LRMDA: variants seen among roughly 807,000 people sequenced by gnomAD.
The protein encoded by LRMDA is leucine rich melanocyte differentiation associated.
A neutral mutation model predicts 29.8 loss-of-function variants in LRMDA; 18 were observed. The observed-to-expected ratio is 0.60, with a 90% CI of 0.42 to 0.90. The LOEUF is 0.90. Among genes scored for constraint, LRMDA ranks in the 40% least tolerant of loss-of-function variants. The probability of loss-of-function intolerance (pLI) is 0.00; values close to 1 mark genes in which losing one functional copy is unlikely to be tolerated. For synonymous variants in LRMDA, 125 were observed against 109.4 expected (o/e 1.14, Z -0.89); for missense variants, 273 against 273.9 (o/e 1.00, Z 0.02).
intron 2 of LRMDA, among the ~76,000 whole-genome samples, chr10:75,966,175 G>C (rs897957218): frequency 3.3e-5 from 5 of 152,168 alleles, no homozygotes; most frequent in African/African-American, 1.2e-4. Flanking sequence ...CAGCAAAAGA[G>C]CCCTTGTGTC....
At chr10:75,551,812 G>A (rs1442087438) in intron 2 of LRMDA, among the ~76,000 whole-genome samples, 1 of 152,158 alleles carries the variant, frequency 6.6e-6, no homozygotes, top group African/African-American at 2.4e-5. Flanking sequence ...GCTTAGGTGA[G>A]AGGATCGCTT....
At chr10:75,768,370 C>T (rs977486890) in intron 2 of LRMDA, among the ~76,000 whole-genome samples, 1 of 152,164 alleles carries the variant, frequency 6.6e-6, no homozygotes, top group Non-Finnish European at 1.5e-5. Flanking sequence ...CCCATAAGAA[C>T]CTTGTACATC....
At chr10:75,636,122 C>T (rs1554817262) in intron 2 of LRMDA, among the ~76,000 whole-genome samples, 1 of 152,170 alleles carries the variant, frequency 6.6e-6, no homozygotes, top group Non-Finnish European at 1.5e-5. Flanking sequence ...TCTACCTATC[C>T]ACCTATGTAC....
intron 6 of LRMDA, among the ~76,000 whole-genome samples, chr10:76,534,704 G>A (rs768058703): frequency 7.9e-5 from 12 of 152,004 alleles, no homozygotes; most frequent in Non-Finnish European, 1.2e-4. Context: ...TTATCATTTG[G>A]CAATGATAAT....
intron 5 of LRMDA, among the ~76,000 whole-genome samples, chr10:76,240,590 TAG>T (rs1852255180): frequency 6.6e-6 from 1 of 150,492 alleles, no homozygotes; most frequent in South Asian, 2.1e-4. Context: ...GAACTAAAAG[TAG>T]ATCTACCATT....
At chr10:75,993,696 G>A (rs1320133272) in intron 2 of LRMDA, among the ~76,000 whole-genome samples, 1 of 151,452 alleles carries the variant, frequency 6.6e-6, no homozygotes, top group African/African-American at 2.4e-5. Flanking sequence ...TCATGCCACT[G>A]CACTCCAGCC....
chr10:76,041,827 C>CA (rs1848345717), intron 3 of LRMDA, among the ~76,000 whole-genome samples: 1 of 152,132 alleles, frequency 6.6e-6, no homozygotes, highest in Non-Finnish European at 1.5e-5. Flanking sequence ...CTAAGTACCC[C>CA]GGAGAAGACT....
intron 5 of LRMDA, among the ~76,000 whole-genome samples, chr10:76,238,140 C>T (rs1852192308): frequency 1.3e-5 from 2 of 152,038 alleles, no homozygotes; most frequent in Admixed American, 1.3e-4. Context: ...CTTTGTATAT[C>T]CTCTTCCAGT....
At chr10:76,229,483 A>C (rs1172665496) in intron 5 of LRMDA, among the ~76,000 whole-genome samples, 1 of 152,230 alleles carries the variant, frequency 6.6e-6, no homozygotes, top group South Asian at 2.1e-4. Context: ...CTGCAAGTTA[A>C]TCTTCCCTGT....
At chr10:75,755,093 C>G (rs1398883875) in intron 2 of LRMDA, among the ~76,000 whole-genome samples, 1 of 149,624 alleles carries the variant, frequency 6.7e-6, no homozygotes, top group Non-Finnish European at 1.5e-5. Flanking sequence ...TGGCTGCTTT[C>G]TACTTTGGGG....
intron 2 of LRMDA, among the ~76,000 whole-genome samples, chr10:75,935,988 C>CATTTTT (rs1172572254): frequency 5.3e-5 from 8 of 150,536 alleles, no homozygotes; most frequent in Admixed American, 3.3e-4. Context: ...TCTGCCCCCT[C>CATTTTT]ATTTTTATTT....
intron 5 of LRMDA, among the ~76,000 whole-genome samples, chr10:76,231,384 G>A (rs1286647841): frequency 6.6e-6 from 1 of 152,228 alleles, no homozygotes; most frequent in African/African-American, 2.4e-5. Flanking sequence ...GAATCAAAGG[G>A]CTAGAAGATT....
At chr10:76,088,976 C>T (rs1344907496) in intron 5 of LRMDA, among the ~76,000 whole-genome samples, 2 of 152,152 alleles carry the variant, frequency 1.3e-5, no homozygotes, top group Non-Finnish European at 2.9e-5. Context: ...GTGATTAATT[C>T]AACACACACC....
intron 2 of LRMDA, among the ~76,000 whole-genome samples, chr10:75,584,010 T>G (rs1478992703): frequency 6.6e-6 from 1 of 152,120 alleles, no homozygotes; most frequent in Non-Finnish European, 1.5e-5. Context: ...GTCCTTCCTC[T>G]CTGGGAGGAA....
intron 2 of LRMDA, among the ~76,000 whole-genome samples, chr10:75,864,546 G>A (rs745934769): frequency 2.0e-5 from 3 of 152,118 alleles, no homozygotes; most frequent in African/African-American, 7.2e-5. Flanking sequence ...AAAAAATAAG[G>A]CCTTCCCTTG....
Position 75,507,558 on chromosome 10 carries a change from A to C in LRMDA, c.131+69064A>C, listed in dbSNP as rs1194939200. Reference sequence around the variant, plus strand: ...GGGAACCTCACTTGGGTAAATAAGCAATGGAGTGAAAGATTGAAAAATGTG... The same window carrying C: ...GGGAACCTCACTTGGGTAAATAAGCCATGGAGTGAAAGATTGAAAAATGTG... On this transcript the variant is annotated intron_variant, in intron 2 of 6. Transcript: ENST00000611255. Among the ~76,000 whole-genome samples, 4 of 152,150 alleles carry C rather than the reference A, an allele frequency of 2.6e-5. No individual in the cohort carries two copies. In the East Asian group the frequency reaches 7.7e-4, roughly 29 times the overall value.
At chr10:76,336,945 C>A (rs960268618) in intron 6 of LRMDA, among the ~76,000 whole-genome samples, 2 of 152,000 alleles carry the variant, frequency 1.3e-5, no homozygotes, top group Admixed American at 6.6e-5. Context: ...TTCTCCCCAC[C>A]CCCCTTTTTT....
At chr10:75,965,816 T>G (rs1038554273) in intron 2 of LRMDA, among the ~76,000 whole-genome samples, 3 of 152,230 alleles carry the variant, frequency 2.0e-5, no homozygotes, top group Non-Finnish European at 4.4e-5. Flanking sequence ...TGAGGGTTTG[T>G]GGCTGTTGTA....
At chr10:76,204,176 T>C (rs1418539820) in intron 5 of LRMDA, among the ~76,000 whole-genome samples, 1 of 142,266 alleles carries the variant, frequency 7.0e-6, no homozygotes, top group Non-Finnish European at 1.5e-5. Flanking sequence ...CATCTCTCCA[T>C]GTGCCCATCT....
Sources: allele counts gnomAD v4.1 joint callset (sites outside exome capture counted in the v4.1 genomes callset), GRCh38; gene constraint gnomAD v4.1.1; transcripts MANE v1.5; gene names NCBI Gene and HGNC (gene_info 2026-07-23, HGNC 2026-07-21).